The following EPC1 variants were observed in gnomAD, a reference collection of about 807,000 sequenced individuals.
EPC1 encodes enhancer of polycomb homolog 1.
EPC1 carries 12 observed loss-of-function variants against 98.4 expected under a neutral mutation model. The ratio of observed to expected loss-of-function variants is 0.12; its 90% CI spans 0.08 to 0.20. The LOEUF (loss-of-function observed/expected upper bound fraction) is 0.20. Ranked by LOEUF, EPC1 falls within the 10% of genes least tolerant of loss-of-function variation. The probability of loss-of-function intolerance (pLI) is 1.00; values close to 1 mark genes in which losing one functional copy is unlikely to be tolerated. For missense variants in EPC1, 729 were observed against 990.5 expected, an observed-to-expected ratio of 0.74 and a Z score of 3.54; for synonymous variants, 357 against 363.9, an observed-to-expected ratio of 0.98 and a Z score of 0.21.
At chr10:32,299,466 G>A (rs374114271) in intron 2 of EPC1, among the ~76,000 whole-genome samples, 5 of 152,210 alleles carry the variant, frequency 3.3e-5, no homozygotes, top group African/African-American at 9.6e-5. Flanking sequence ...GATTACAGGC[G>A]TGAGTCCCCG....
At chr10:32,364,001 C>CCTTT (rs770520611) in intron 1 of EPC1, among the ~76,000 whole-genome samples, 815 of 61,856 alleles carry the variant, frequency 0.013, 330 homozygotes, top group Middle Eastern at 0.051. Context: ...ATCATGTTGG[C>CCTTT]ATTTTTTTTT....
At chr10:32,347,322 C>T (rs1838916748), upstream of EPC1, 4 of 490,934 alleles carry the variant, frequency 8.1e-6, no homozygotes, top group Non-Finnish European at 1.1e-5. Context: ...CTCGCTGCTC[C>T]GGGCCCCCGC....
intron 1 of EPC1, among the ~76,000 whole-genome samples, chr10:32,333,119 G>A (rs1292110552): frequency 6.6e-6 from 1 of 152,162 alleles, no homozygotes; most frequent in Non-Finnish European, 1.5e-5. Context: ...AAGGTGGGTG[G>A]ATCACAAGGT....
chr10:32,275,645 C>T (rs1353248818), intron 10 of EPC1, among the ~76,000 whole-genome samples: 5 of 151,548 alleles, frequency 3.3e-5, no homozygotes, highest in African/African-American at 9.7e-5. Flanking sequence ...CGTGGTGGCA[C>T]GTGCCTGTAG....
chr10:32,288,822 G>A (rs1437447781), intron 6 of EPC1, among the ~76,000 whole-genome samples: 2 of 151,760 alleles, frequency 1.3e-5, no homozygotes, highest in Non-Finnish European at 2.9e-5. Flanking sequence ...GGGTGGGGTG[G>A]CTCATGCCTG....
chr10:32,270,749 G>A (rs775767569), intron 13 of EPC1, among the ~76,000 whole-genome samples: 8 of 150,124 alleles, frequency 5.3e-5, no homozygotes, highest in Admixed American at 1.3e-4. Flanking sequence ...TTGAACCTGG[G>A]AGGCAGAGAT....
intron 1 of EPC1, among the ~76,000 whole-genome samples, chr10:32,339,927 G>A (rs2479346): frequency 0.99 from 150,342 of 152,278 alleles, 74,237 homozygotes; most frequent in Middle Eastern, 1. Flanking sequence ...CTATTTGGAT[G>A]CTCAGAGGAT....
rs371327389 is a variant in EPC1, at chr10:32,332,157, A to G, written c.153+14606T>C. ...AGGGTTTGTTGCAAAGGAAACAATC[A>G]TAAATGAATCTGTTTTCCAAAAGTG... is the stretch of plus-strand genomic sequence containing the variant. On this transcript the variant is annotated intron_variant, in intron 1 of 13. Coordinates refer to ENST00000319778, the MANE Select transcript of EPC1 (RefSeq NM_001272004.3). Among the ~76,000 whole-genome samples the G allele has an allele frequency of 2.0e-5, 3 of 152,380 alleles. No individual in the cohort carries two copies. In the East Asian group the frequency reaches 5.8e-4, roughly 29 times the overall value.
intron 1 of EPC1, among the ~76,000 whole-genome samples, chr10:32,322,151 A>G (rs1399559636): frequency 6.6e-6 from 1 of 150,674 alleles, no homozygotes; most frequent in Non-Finnish European, 1.5e-5. Context: ...TCCCTATGCC[A>G]TTCTTAATCA....
intron 10 of EPC1, among the ~76,000 whole-genome samples, chr10:32,278,629 T>A (rs1836235838): frequency 6.6e-6 from 1 of 152,130 alleles, no homozygotes; most frequent in Non-Finnish European, 1.5e-5. Context: ...TACTTTGTTT[T>A]TAATAACAAA....
At chr10:32,309,789 G>A (rs1165202537) in intron 1 of EPC1, among the ~76,000 whole-genome samples, 4 of 148,098 alleles carry the variant, frequency 2.7e-5, no homozygotes, top group Non-Finnish European at 6.0e-5. Context: ...TTCCTTATCA[G>A]GTTTCTCATT....
At chr10:32,343,041 T>C (rs542788466) in intron 1 of EPC1, among the ~76,000 whole-genome samples, 1 of 152,278 alleles carries the variant, frequency 6.6e-6, no homozygotes, top group East Asian at 1.9e-4. Context: ...ATATTCATAA[T>C]AGGACATATG....
intron 1 of EPC1, among the ~76,000 whole-genome samples, chr10:32,320,581 CTTAA>C (rs1179227213): frequency 2.0e-5 from 3 of 152,158 alleles, no homozygotes; most frequent in Non-Finnish European, 4.4e-5. Context: ...TTCAACATTT[CTTAA>C]TTAGTCATTT....
intron 1 of EPC1, among the ~76,000 whole-genome samples, chr10:32,326,102 A>G (rs963386575): frequency 6.6e-6 from 1 of 152,220 alleles, no homozygotes; most frequent in Non-Finnish European, 1.5e-5. Flanking sequence ...AGTACAGTTA[A>G]CACACTGCAA....
At chr10:32,281,510 G>C (rs1836407980) in intron 10 of EPC1, among the ~76,000 whole-genome samples, 1 of 152,186 alleles carries the variant, frequency 6.6e-6, no homozygotes, top group African/African-American at 2.4e-5. Flanking sequence ...ACTACTGAAT[G>C]AGGTAAGATG....
intron 11 of EPC1, among the ~76,000 whole-genome samples, chr10:32,272,704 T>G (rs1432778540): frequency 1.3e-5 from 2 of 152,228 alleles, no homozygotes; most frequent in African/African-American, 2.4e-5. Flanking sequence ...AAATATATTT[T>G]TCCTGCAAGA....
At chr10:32,334,525 G>A (rs1837839509) in intron 1 of EPC1, among the ~76,000 whole-genome samples, 1 of 151,220 alleles carries the variant, frequency 6.6e-6, no homozygotes, top group Non-Finnish European at 1.5e-5. Context: ...AAATGGTGAT[G>A]TCAATGAAGT....
At chr10:32,329,235 G>T (rs527324504) in intron 1 of EPC1, among the ~76,000 whole-genome samples, 2 of 152,128 alleles carry the variant, frequency 1.3e-5, no homozygotes, top group South Asian at 2.1e-4. Context: ...CATTTCCAGC[G>T]CTCTCTTTCC....
Position 32,287,397 on chromosome 10 carries a change from C to T in EPC1, c.976-123G>A, listed in dbSNP as rs1000983476. 8 of 942,276 alleles carry T rather than the reference C, an allele frequency of 8.5e-6. No individual in the cohort carries two copies. The African/African-American group carries it at 1.2e-4, about 14-fold the overall frequency. The allele number at this position is 942,276 out of a possible 1,614,324, so 58.4% of individuals were successfully genotyped here. A position where few individuals can be genotyped will look rare whatever the true frequency, so the allele number is the denominator to read the frequency against. On this transcript the variant is annotated intron_variant, in intron 6 of 13. Transcript: ENST00000319778. ...AGGGCATTCATATTCATAAGAGACA[C>T]AACACTCTATGTTTGGCCATCTTAT... is the stretch of plus-strand genomic sequence containing the variant.
Sources: gnomAD v4.1 joint callset for allele counts (sites outside exome capture counted in the v4.1 genomes callset) on GRCh38, gnomAD v4.1.1 for gene constraint, MANE v1.5 for transcripts, NCBI Gene and HGNC (gene_info 2026-07-23, HGNC 2026-07-21) for gene names.